ACSS3: variants seen among roughly 807,000 people sequenced by gnomAD.
ACSS3 encodes the protein acyl-CoA synthetase short-chain family member 3, mitochondrial.
A neutral mutation model predicts 84.2 loss-of-function variants in ACSS3; 64 were observed. The ratio of observed to expected loss-of-function variants is 0.76; its 90% CI spans 0.62 to 0.94. The LOEUF is 0.94. ACSS3 is among the 40% of genes least tolerant of loss of function. The pLI, the probability that ACSS3 is intolerant of heterozygous loss-of-function variation, is 0.00. For missense variants in ACSS3, 815 were observed against 867.6 expected, an observed-to-expected ratio of 0.94 and a Z score of 0.76; for synonymous variants, 317 against 310.1, an observed-to-expected ratio of 1.02 and a Z score of -0.23.
At chr12:81,111,581 A>G (rs1883596754) in intron 2 of ACSS3, among the ~76,000 whole-genome samples, 2 of 152,290 alleles carry the variant, frequency 1.3e-5, no homozygotes, top group South Asian at 4.1e-4. Context: ...TAGGGCTGAC[A>G]TACTCCTCAG....
chr12:81,156,757 T>G (rs539020299), intron 7 of ACSS3, among the ~76,000 whole-genome samples: 1 of 152,282 alleles, frequency 6.6e-6, no homozygotes. Flanking sequence ...AATAAATTAC[T>G]AGAATAGCCT....
intron 5 of ACSS3, among the ~76,000 whole-genome samples, chr12:81,147,038 G>A (rs1223915605): frequency 6.6e-6 from 1 of 152,040 alleles, no homozygotes; most frequent in African/African-American, 2.4e-5. Flanking sequence ...AAACAGCAGT[G>A]AACTTTTTTG....
chr12:81,138,672 A>G (rs1446821591), intron 3 of ACSS3, among the ~76,000 whole-genome samples: 1 of 152,194 alleles, frequency 6.6e-6, no homozygotes, highest in Non-Finnish European at 1.5e-5. Flanking sequence ...AAAAATTATT[A>G]TAAATTATTG....
intron 8 of ACSS3, among the ~76,000 whole-genome samples, chr12:81,198,102 A>C (rs17008235): frequency 0.014 from 2,196 of 152,096 alleles, 54 homozygotes; most frequent in African/African-American, 0.051. Flanking sequence ...CAATTTCCAC[A>C]CTCTAAGAAA....
intron 8 of ACSS3, among the ~76,000 whole-genome samples, chr12:81,185,527 C>G (rs1174518258): frequency 1.3e-5 from 2 of 151,632 alleles, no homozygotes; most frequent in African/African-American, 4.8e-5. Flanking sequence ...AAATCAGTGG[C>G]ATTTTTCTAC....
intron 8 of ACSS3, among the ~76,000 whole-genome samples, chr12:81,178,915 C>T (rs1489731079): frequency 6.6e-6 from 1 of 152,098 alleles, no homozygotes; most frequent in Non-Finnish European, 1.5e-5. Context: ...GCTACATTAA[C>T]TAAAATGGCA....
chr12:81,154,720 A>C (rs1412037101), intron 7 of ACSS3, among the ~76,000 whole-genome samples: 1 of 152,126 alleles, frequency 6.6e-6, no homozygotes, highest in Middle Eastern at 3.2e-3. Context: ...GTCACCAGTG[A>C]CTTCATAAGT....
At chr12:81,147,273 A>G (rs929415737) in intron 5 of ACSS3, among the ~76,000 whole-genome samples, 2 of 152,250 alleles carry the variant, frequency 1.3e-5, no homozygotes, top group African/African-American at 2.4e-5. Context: ...AAGATTCACT[A>G]AGTTCTACAA....
chr12:81,138,656 A>G (rs1213704406), intron 3 of ACSS3, among the ~76,000 whole-genome samples: 2 of 152,208 alleles, frequency 1.3e-5, no homozygotes, highest in Non-Finnish European at 2.9e-5. Context: ...TATATTTAGA[A>G]TGAGAAAAAA....
At position 81,256,309 on chromosome 12, in the gene ACSS3, T is replaced by C. The variant is rs2136026061; in HGVS notation, c.*1387T>C. ...TAAAATAATAACTCATTAAAAATAT[T>C]GTAATGTCCAAAAGTATCTTTCCAT... On this transcript the variant is annotated 3_prime_UTR_variant, in exon 16 of 16. Transcript: ENST00000548058. 1 of 152,326 alleles carries C rather than the reference T, an allele frequency of 6.6e-6. No individual in the cohort carries two copies. Among genetic ancestry groups the C allele is most frequent in the South Asian group, 2.1e-4 (1 of 4,832 alleles). 9.4% of individuals were successfully genotyped at this position (152,326 alleles called of 1,614,324 possible). A position where few individuals can be genotyped will look rare whatever the true frequency, so the allele number is the denominator to read the frequency against.
chr12:81,114,314 G>T (rs1883856071), intron 2 of ACSS3, among the ~76,000 whole-genome samples: 1 of 152,032 alleles, frequency 6.6e-6, no homozygotes, highest in African/African-American at 2.4e-5. Flanking sequence ...AAAATTTAGA[G>T]GAGAAAATTA....
intron 9 of ACSS3, among the ~76,000 whole-genome samples, chr12:81,211,051 T>A (rs754530477): frequency 6.6e-6 from 1 of 152,118 alleles, no homozygotes; most frequent in South Asian, 2.1e-4. Flanking sequence ...ATCAGGCTAT[T>A]GAGTTCACAG....
chr12:81,146,471 G>C (rs138228688), intron 5 of ACSS3, among the ~76,000 whole-genome samples: 93 of 152,254 alleles, frequency 6.1e-4, no homozygotes, highest in African/African-American at 2.2e-3. Flanking sequence ...AATGTTGTGA[G>C]CTCATAAAAC....
At chr12:81,132,022 G>A (rs951817601) in intron 2 of ACSS3, among the ~76,000 whole-genome samples, 2 of 152,066 alleles carry the variant, frequency 1.3e-5, no homozygotes, top group African/African-American at 2.4e-5. Flanking sequence ...TGCTGGATTC[G>A]GTTTGCCAGT....
intron 8 of ACSS3, among the ~76,000 whole-genome samples, chr12:81,193,418 G>C (rs1384039429): frequency 6.6e-6 from 1 of 151,426 alleles, no homozygotes; most frequent in Non-Finnish European, 1.5e-5. Flanking sequence ...TTCTATTTTG[G>C]ACCAAAATTA....
At chr12:81,220,253 G>T (rs1004145788) in intron 11 of ACSS3, among the ~76,000 whole-genome samples, 177 bp downstream of exon 11, 3 of 151,714 alleles carry the variant, frequency 2.0e-5, no homozygotes, top group African/African-American at 4.8e-5. Flanking sequence ...CATAAAATAC[G>T]ACCAATTTAA....
intron 13 of ACSS3, among the ~76,000 whole-genome samples, chr12:81,239,797 T>C (rs576094921): frequency 3.4e-4 from 51 of 152,004 alleles, no homozygotes; most frequent in African/African-American, 1.2e-3. Flanking sequence ...GAAAGTAAAA[T>C]AAAACATTTT....
intron 8 of ACSS3, among the ~76,000 whole-genome samples, chr12:81,197,314 A>T (rs932253987): frequency 1.8e-4 from 28 of 152,276 alleles, no homozygotes; most frequent in African/African-American, 6.7e-4. Context: ...GAATAATTAA[A>T]CTGTTATTTT....
chr12:81,123,609 C>T (rs955876363), intron 2 of ACSS3, among the ~76,000 whole-genome samples: 1 of 150,662 alleles, frequency 6.6e-6, no homozygotes, highest in Non-Finnish European at 1.5e-5. Context: ...TTCTCACCCC[C>T]CTCTCACCCT....
Sources: gnomAD v4.1 joint callset for allele counts (sites outside exome capture counted in the v4.1 genomes callset) on GRCh38, gnomAD v4.1.1 for gene constraint, MANE v1.5 for transcripts, NCBI Gene and HGNC (gene_info 2026-07-23, HGNC 2026-07-21) for gene names.